The following RBFOX1 variants were observed in gnomAD, a reference collection of about 807,000 sequenced individuals.
RBFOX1 encodes RNA binding protein fox-1 homolog 1.
RBFOX1 carries 8 observed loss-of-function variants against 57.7 expected under a neutral mutation model. That is an observed-to-expected ratio of 0.14 (90% CI 0.08 to 0.25). RBFOX1 has a LOEUF of 0.25. Among genes scored for constraint, RBFOX1 ranks in the 10% least tolerant of loss-of-function variants. The pLI, the probability that RBFOX1 is intolerant of heterozygous loss-of-function variation, is 1.00. For missense variants in RBFOX1, 611 were observed against 548.5 expected (o/e 1.11, Z -1.14); for synonymous variants, 326 against 222.4 (o/e 1.47, Z -4.15).
chr16:7,674,080 A>T (rs1439669607), intron 13 of RBFOX1, among the ~76,000 whole-genome samples: 2 of 152,218 alleles, frequency 1.3e-5, no homozygotes, highest in Non-Finnish European at 2.9e-5. Context: ...TTGTATGTAA[A>T]GCAATTTATA....
intron 1 of RBFOX1, among the ~76,000 whole-genome samples, chr16:5,274,224 G>A (rs1330032565): frequency 2.6e-5 from 4 of 152,052 alleles, no homozygotes; most frequent in African/African-American, 9.7e-5. Context: ...CATCACTTCC[G>A]GCCTCTCAAG....
chr16:6,294,977 G>A (rs1260623210), intron 1 of RBFOX1, among the ~76,000 whole-genome samples: 1 of 152,062 alleles, frequency 6.6e-6, no homozygotes, highest in Non-Finnish European at 1.5e-5. Flanking sequence ...TTTTCAGGAG[G>A]AATCGGCATA....
At chr16:6,783,048 C>G (rs2081292950) in intron 3 of RBFOX1, among the ~76,000 whole-genome samples, 1 of 151,952 alleles carries the variant, frequency 6.6e-6, no homozygotes, top group Admixed American at 6.6e-5. Flanking sequence ...ATAAGTACAG[C>G]TCTTTATGTT....
At chr16:5,468,008 G>A (rs184808166) in intron 2 of RBFOX1, among the ~76,000 whole-genome samples, 230 of 152,252 alleles carry the variant, frequency 1.5e-3, no homozygotes, top group African/African-American at 5.3e-3. Flanking sequence ...GGCAAAGGAG[G>A]CTTTGTGGGG....
chr16:6,383,471 C>T (rs1447287703), intron 2 of RBFOX1, among the ~76,000 whole-genome samples: 2 of 152,094 alleles, frequency 1.3e-5, no homozygotes, highest in Non-Finnish European at 1.5e-5. Flanking sequence ...TGCACCAAGC[C>T]CCTTCTAGAA....
At chr16:6,772,275 A>G (rs571729149) in intron 3 of RBFOX1, among the ~76,000 whole-genome samples, 58 of 152,250 alleles carry the variant, frequency 3.8e-4, no homozygotes, top group African/African-American at 1.3e-3. Flanking sequence ...AGGCCAGGCT[A>G]TGGATATACA....
chr16:6,284,837 GA>G (rs2076736621), intron 1 of RBFOX1, among the ~76,000 whole-genome samples: 2 of 152,098 alleles, frequency 1.3e-5, no homozygotes, highest in Non-Finnish European at 2.9e-5. Context: ...CATTATATAC[GA>G]GTGCATGGAG....
intron 3 of RBFOX1, among the ~76,000 whole-genome samples, chr16:6,954,086 G>A (rs1051202580): frequency 1.3e-5 from 2 of 152,164 alleles, no homozygotes; most frequent in South Asian, 2.1e-4. Context: ...CGGTAATAAA[G>A]TGTAACAGAC....
At chr16:5,307,848 A>G (rs1308950205) in intron 1 of RBFOX1, among the ~76,000 whole-genome samples, 2 of 152,102 alleles carry the variant, frequency 1.3e-5, no homozygotes, top group East Asian at 3.9e-4. Flanking sequence ...TAATTTTGTA[A>G]TTTTTTATTT....
At chr16:5,416,606 A>C (rs538388757) in intron 1 of RBFOX1, among the ~76,000 whole-genome samples, 121 of 152,012 alleles carry the variant, frequency 8.0e-4, no homozygotes, top group Admixed American at 1.8e-3. Flanking sequence ...TAAAGATCTC[A>C]CTGCATTTTC....
Position 5,635,809 on chromosome 16 carries a change from T to G in RBFOX1, c.318+36848T>G, listed in dbSNP as rs529863649. Reference sequence around the variant, plus strand: ...CCTGTTGATTTGTAGCACTGGGTTTTTTTTGGAGGATTTTTATCCTATTTG... The same window carrying G: ...CCTGTTGATTTGTAGCACTGGGTTTGTTTTGGAGGATTTTTATCCTATTTG... On this transcript the variant is annotated intron_variant, in intron 3 of 19. Transcript: ENST00000641259. Among the ~76,000 whole-genome samples the G allele has an allele frequency of 2.0e-3, 302 of 151,918 alleles. 2 individuals are homozygous for G. The highest frequency in any genetic ancestry group is 2.6e-3 in the Non-Finnish European group (179 of 68,002).
At chr16:5,562,657 C>T (rs2045930420) in intron 2 of RBFOX1, among the ~76,000 whole-genome samples, 2 of 152,100 alleles carry the variant, frequency 1.3e-5, no homozygotes, top group Non-Finnish European at 2.9e-5. Context: ...GTTCTGAGTG[C>T]AAGAGAGCTG....
intron 13 of RBFOX1, among the ~76,000 whole-genome samples, chr16:7,669,125 A>G (rs1477665483): frequency 6.6e-6 from 1 of 152,152 alleles, no homozygotes; most frequent in African/African-American, 2.4e-5. Context: ...GCTGGTCTCA[A>G]ACTCCTGACT....
intron 3 of RBFOX1, among the ~76,000 whole-genome samples, chr16:5,814,651 G>T (rs113548887): frequency 0.037 from 5,638 of 152,214 alleles, 285 homozygotes; most frequent in African/African-American, 0.11. Flanking sequence ...ATTCCTGGCC[G>T]GGCGCGGTGG....
intron 3 of RBFOX1, among the ~76,000 whole-genome samples, chr16:7,026,091 G>A (rs2040836983): frequency 6.6e-6 from 1 of 152,170 alleles, no homozygotes; most frequent in Non-Finnish European, 1.5e-5. Flanking sequence ...TGCTTGCTAT[G>A]TGGGCAGGAC....
Position 5,986,664 on chromosome 16 carries a change from T to TC in RBFOX1, c.351+119330dup, listed in dbSNP as rs1399160842. Among the ~76,000 whole-genome samples, 4 of 152,338 alleles carry TC rather than the reference T, an allele frequency of 2.6e-5. No homozygotes were observed. In the East Asian group the frequency reaches 7.7e-4, roughly 29 times the overall value. On this transcript the variant is annotated intron_variant, in intron 4 of 19. Coordinates refer to the RBFOX1 transcript ENST00000641259. ...GCAGTCTTTTAGGATGGGCTTTTTT[T>TC]CACTTAGCATAATTCCCTGAAGATT...
chr16:7,303,946 G>C (rs1363505475), intron 4 of RBFOX1, among the ~76,000 whole-genome samples: 1 of 151,830 alleles, frequency 6.6e-6, no homozygotes, highest in African/African-American at 2.4e-5. Flanking sequence ...CCCTCTGCCG[G>C]TTCTCGTGTC....
chr16:5,264,082 T>A (rs2062802048), intron 1 of RBFOX1, among the ~76,000 whole-genome samples: 1 of 151,994 alleles, frequency 6.6e-6, no homozygotes, highest in African/African-American at 2.4e-5. Flanking sequence ...GACTGTAAGA[T>A]CCAGGCTGAG....
intron 3 of RBFOX1, among the ~76,000 whole-genome samples, chr16:6,804,224 G>A (rs750466656): frequency 6.6e-6 from 1 of 151,694 alleles, no homozygotes; most frequent in Non-Finnish European, 1.5e-5. Context: ...TGGCCAGGCT[G>A]GACTCAAACT....
Sources: gnomAD v4.1 joint callset for allele counts (sites outside exome capture counted in the v4.1 genomes callset) on GRCh38, gnomAD v4.1.1 for gene constraint, MANE v1.5 for transcripts, NCBI Gene and HGNC (gene_info 2026-07-23, HGNC 2026-07-21) for gene names.